MATR3: variants seen among roughly 807,000 people sequenced by gnomAD.
MATR3 encodes the protein matrin 3.
In MATR3, 4 loss-of-function variants were observed where a neutral mutation model predicts 85.5. The observed-to-expected ratio is 0.05, with a 90% CI of 0.02 to 0.11. The LOEUF is 0.11. Among genes scored for constraint, MATR3 ranks in the 10% least tolerant of loss-of-function variants. The pLI, the probability that MATR3 is intolerant of heterozygous loss-of-function variation, is 1.00. For synonymous variants in MATR3, 336 were observed against 343.1 expected, an observed-to-expected ratio of 0.98 and a Z score of 0.23; for missense variants, 685 against 1,016.1, an observed-to-expected ratio of 0.67 and a Z score of 4.43.
rs756938830 is a variant in MATR3 at position 139,331,204 on chromosome 5, T to C, written c.*1809T>C. Reference sequence around the variant, plus strand: ...ACTTCAAATAGTTGGCTAAATTTTATGATCTCTCCCGTTGAAAAGTAGGTG... The same window carrying C: ...ACTTCAAATAGTTGGCTAAATTTTACGATCTCTCCCGTTGAAAAGTAGGTG... On this transcript the variant is annotated 3_prime_UTR_variant, in exon 15 of 15. Transcript: ENST00000394805. 1 of 452,524 alleles carries C rather than the reference T, an allele frequency of 2.2e-6. No individual in the cohort carries two copies. The highest frequency in any genetic ancestry group is 2.1e-5 in the African/African-American group (1 of 48,600). 28.0% of individuals were successfully genotyped at this position (452,524 alleles called of 1,614,324 possible). A position where few individuals can be genotyped will look rare whatever the true frequency, so the allele number is the denominator to read the frequency against.
intron 1 of MATR3, among the ~76,000 whole-genome samples, chr5:139,275,142 A>ATTT (rs750841386): frequency 0.021 from 868 of 40,900 alleles, 107 homozygotes; most frequent in African/African-American, 0.027. Context: ...CGCCCGGCTA[A>ATTT]TTTTTTTTTT....
chr5:139,291,777 G>A (rs916378734), upstream of MATR3, among the ~76,000 whole-genome samples: 12 of 152,106 alleles, frequency 7.9e-5, no homozygotes, highest in African/African-American at 2.9e-4. Flanking sequence ...GACCTCAAGT[G>A]ATCCACCTGC....
At chr5:139,274,239 C>T (rs1322877983) in intron 1 of MATR3, 2 of 355,686 alleles carry the variant, frequency 5.6e-6, no homozygotes, top group Non-Finnish European at 1.1e-5. Context: ...TGGCTTCTGC[C>T]GGGGCACGGG....
upstream of MATR3, among the ~76,000 whole-genome samples, chr5:139,289,912 G>A (rs1047094967): frequency 2.0e-5 from 3 of 152,170 alleles, no homozygotes; most frequent in African/African-American, 7.2e-5. Flanking sequence ...TGATATCCAT[G>A]TTGCTAAATC....
chr5:139,290,092 T>C (rs570940935), upstream of MATR3, among the ~76,000 whole-genome samples: 1 of 152,316 alleles, frequency 6.6e-6, no homozygotes, highest in African/African-American at 2.4e-5. Context: ...CCCCTACCCC[T>C]GTCCACTAAG....
chr5:139,288,588 C>A (rs1753778486), intron 3 of MATR3, among the ~76,000 whole-genome samples: 1 of 152,050 alleles, frequency 6.6e-6, no homozygotes, highest in Admixed American at 6.5e-5. Flanking sequence ...AAGTAAGATT[C>A]CCTCCAAAAA....
chr5:139,328,536 G>A (rs946000987), intron 14 of MATR3, among the ~76,000 whole-genome samples: 10 of 152,072 alleles, frequency 6.6e-5, no homozygotes, highest in African/African-American at 2.4e-4. Flanking sequence ...ATCTGTTTTT[G>A]TAAGGTTTTA....
In MATR3 at chr5:139,279,699, T is replaced by A. The variant is rs145132479; in HGVS notation, c.-178+570T>A. Reference sequence around the variant, plus strand: ...TTGTATTTTTAGTAGAGATGGGGTTTCACCATGTTGGTCAGGCTGGTCTCG... The same window carrying A: ...TTGTATTTTTAGTAGAGATGGGGTTACACCATGTTGGTCAGGCTGGTCTCG... On this transcript the variant is annotated intron_variant, in intron 3 of 16. Coordinates refer to ENST00000509990, the Ensembl canonical transcript of MATR3. The A allele has an allele frequency of 8.3e-3, 1,268 of 153,546 alleles. 11 individuals carry two copies. Among genetic ancestry groups the A allele is most frequent in the Non-Finnish European group, 0.01 (713 of 68,922 alleles). 9.5% of individuals were successfully genotyped at this position (153,546 alleles called of 1,614,324 possible). A position where few individuals can be genotyped will look rare whatever the true frequency, so the allele number is the denominator to read the frequency against.
At chr5:139,320,573 A>G (rs1030150247) in intron 9 of MATR3, among the ~76,000 whole-genome samples, 1 of 152,168 alleles carries the variant, frequency 6.6e-6, no homozygotes. Flanking sequence ...ACTGTACTTC[A>G]GCATAGGCAG....
In MATR3 at chr5:139,309,072, G is replaced by C. The variant is rs1295381007; in HGVS notation, c.912+745G>C. Reference sequence around the variant, plus strand: ...AAATTCTTTTTCTGAGTTAGGCTTAGACTTCTGAAATAGTCATTTGAAAAG... The same window carrying C: ...AAATTCTTTTTCTGAGTTAGGCTTACACTTCTGAAATAGTCATTTGAAAAG... On this transcript the variant is annotated intron_variant, in intron 2 of 14. Transcript: ENST00000394805. 2.0e-5 allele frequency among the ~76,000 whole-genome samples: 3 copies of C among 152,114 alleles called. No homozygotes were observed. The East Asian group carries it at 5.8e-4, about 29-fold the overall frequency.
Position 139,322,503 on chromosome 5 carries a change from C to T in MATR3, c.1775C>T (p.Ser592Phe). ...ATTGATTTACTGAAAAAAGATAAAT[C>T]CCGGTAATTTCATTTTGTTTTTCAT... Reference protein sequence around the residue: ...RGIDLLKKDKSRKRSYSPDGK... With the variant: ...RGIDLLKKDKFRKRSYSPDGK... Residue 592 changes from serine (S) to phenylalanine (F), a missense_variant, in exon 11 of 15, where the codon TCC (serine) becomes TTC (phenylalanine). Coordinates refer to ENST00000394805, the MANE Select transcript of MATR3 (RefSeq NM_018834.6). 2.5e-6 allele frequency: 4 copies of T among 1,613,810 alleles called. No individual in the cohort carries two copies. The highest frequency in any genetic ancestry group is 3.4e-6 in the Non-Finnish European group (4 of 1,179,914).
intron 3 of MATR3, chr5:139,279,220 G>A (rs898497033): frequency 2.2e-6 from 1 of 452,022 alleles, no homozygotes; most frequent in Non-Finnish European, 4.4e-6. Context: ...GAAAAATTAT[G>A]TAGAGTATCA....
chr5:139,308,482 T>C (rs1273953601), intron 2 of MATR3, among the ~76,000 whole-genome samples, 155 bp downstream of exon 2: 1 of 152,222 alleles, frequency 6.6e-6, no homozygotes, highest in Non-Finnish European at 1.5e-5. Context: ...GTAATTGTTT[T>C]TGAGCATTTT....
At chr5:139,320,088 C>A (rs1179801176) in intron 9 of MATR3, among the ~76,000 whole-genome samples, 1 of 151,188 alleles carries the variant, frequency 6.6e-6, no homozygotes, top group Non-Finnish European at 1.5e-5. Context: ...GCAGGCAGAT[C>A]ACGAGGTCAG....
chr5:139,303,294 G>T (rs1467745952), intron 1 of MATR3, among the ~76,000 whole-genome samples: 3 of 152,044 alleles, frequency 2.0e-5, no homozygotes, highest in Admixed American at 6.6e-5. Flanking sequence ...TAGAGACGAG[G>T]TTTCACCATG....
At chr5:139,291,315 C>T (rs1299511167), upstream of MATR3, among the ~76,000 whole-genome samples, 1 of 152,180 alleles carries the variant, frequency 6.6e-6, no homozygotes, top group Non-Finnish European at 1.5e-5. Context: ...GTCTCAAATA[C>T]ATATTTATTG....
Position 139,331,523 on chromosome 5 carries a change from A to C in MATR3, c.*2128A>C, listed in dbSNP as rs1195394891. 6.6e-6 allele frequency: 3 copies of C among 454,054 alleles called. No homozygotes were observed. Among genetic ancestry groups the C allele is most frequent in the Non-Finnish European group, 1.3e-5 (3 of 226,810 alleles). The allele number at this position is 454,054 out of a possible 1,614,324, so 28.1% of individuals were successfully genotyped here. On this transcript the variant is annotated 3_prime_UTR_variant, in exon 15 of 15. Transcript: ENST00000394805. ...AAGCTGTTAGTGATAAATCTGTAAC[A>C]GCCCTTCGATTACGAGAAAACCTCT...
chr5:139,287,662 C>G (rs771278035), intron 3 of MATR3, among the ~76,000 whole-genome samples: 58 of 152,056 alleles, frequency 3.8e-4, no homozygotes, highest in Non-Finnish European at 7.8e-4. Context: ...AAACTTGTCA[C>G]TTAGACCTTT....
At chr5:139,319,140 GC>G (rs1755410050) in intron 8 of MATR3, 107 bp downstream of exon 8, 1 of 1,348,568 alleles carries the variant, frequency 7.4e-7, no homozygotes, top group African/African-American at 1.5e-5. Flanking sequence ...GGTGGCTCAC[GC>G]CTGTAATCCC....
Sources: allele counts gnomAD v4.1 joint callset (sites outside exome capture counted in the v4.1 genomes callset), GRCh38; gene constraint gnomAD v4.1.1; transcripts MANE v1.5; gene names NCBI Gene and HGNC (gene_info 2026-07-23, HGNC 2026-07-21).